CACNA1S: variants seen among roughly 807,000 people sequenced by gnomAD.
The protein encoded by CACNA1S is calcium voltage-gated channel subunit alpha1 S, also known as voltage-dependent L-type calcium channel subunit alpha-1S.
CACNA1S carries 126 observed loss-of-function variants against 207.4 expected under a neutral mutation model. That is an observed-to-expected ratio of 0.61 (90% CI 0.53 to 0.70). CACNA1S has a LOEUF of 0.70. CACNA1S is among the 30% of genes least tolerant of loss of function. CACNA1S has a pLI of 0.00. For synonymous variants in CACNA1S, 960 were observed against 932.7 expected (o/e 1.03, Z -0.53); for missense variants, 2,349 against 2,422.8 (o/e 0.97, Z 0.64).
At position 201,054,578 on chromosome 1, in the gene CACNA1S, C is replaced by G. The variant is rs368357562; in HGVS notation, c.3610-17G>C. ...CAGGAAAGTCTGTGGAGAAAAGAGA[C>G]GAAGGGAGGGGAAGGAGAGGAGAGA... On this transcript the variant is annotated splice_polypyrimidine_tract_variant and intron_variant, in intron 28 of 43. Transcript: ENST00000362061. 6.2e-7 allele frequency: 1 copy of G among 1,608,084 alleles called. No homozygotes were observed. Among genetic ancestry groups the G allele is most frequent in the Non-Finnish European group, 8.5e-7 (1 of 1,176,848 alleles).
chr1:201,075,424 A>G, intron 13 of CACNA1S, 71 bp downstream of exon 13: 2 of 1,573,538 alleles, frequency 1.3e-6, no homozygotes, highest in Non-Finnish European at 8.7e-7. Flanking sequence ...GACACCCTTG[A>G]CCCCCATTTT....
chr1:201,054,099 A>C (rs905720762), intron 29 of CACNA1S, among the ~76,000 whole-genome samples: 17 of 152,116 alleles, frequency 1.1e-4, no homozygotes, highest in African/African-American at 3.9e-4. Flanking sequence ...CAAGCCTCTA[A>C]TCTTGTGCCA....
intron 7 of CACNA1S, 150 bp from the exon 8 acceptor site, chr1:201,085,731 C>T: frequency 1.2e-6 from 1 of 823,468 alleles, no homozygotes; most frequent in Non-Finnish European, 1.9e-6. Flanking sequence ...AGGTGCCCCT[C>T]AAGGTGGCTG....
chr1:201,104,605 T>C (rs897807447), intron 2 of CACNA1S, among the ~76,000 whole-genome samples: 1 of 152,242 alleles, frequency 6.6e-6, no homozygotes, highest in African/African-American at 2.4e-5. Context: ...CACGCCTGCT[T>C]GTTCTCTTTT....
At chr1:201,058,210 G>T (rs893711741) in intron 28 of CACNA1S, among the ~76,000 whole-genome samples, 198 bp downstream of exon 28, 1 of 152,156 alleles carries the variant, frequency 6.6e-6, no homozygotes, top group Non-Finnish European at 1.5e-5. Context: ...CACCCATTGT[G>T]TCCCCCTGGT....
At chr1:201,099,637 C>T (rs930808691) in intron 2 of CACNA1S, among the ~76,000 whole-genome samples, 1 of 152,210 alleles carries the variant, frequency 6.6e-6, no homozygotes, top group Admixed American at 6.5e-5. Flanking sequence ...TTGCAGGGAG[C>T]TCAGGCTGGG....
chr1:201,051,185 C>G (rs761949212), intron 32 of CACNA1S, 42 bp from the exon 33 acceptor site: 6 of 1,612,124 alleles, frequency 3.7e-6, no homozygotes, highest in Non-Finnish European at 5.1e-6. Context: ...CTGCTCCTGC[C>G]TGGCCCCTCA....
rs369139165 is a variant in CACNA1S, at chr1:201,083,210, T to C, written c.1345A>G (p.Ile449Val). ...ILIVALNTLS[I>V]ASEHHNQPLW... ...GGCTGGTTGTGGTGCTCTGAGGCGA[T>C]AGACAGGGTGTTGAGGGCAACGATG... The change falls in exon 10 of 44, where the codon ATC (isoleucine) becomes GTC (valine). Residue 449 changes from isoleucine (I) to valine (V), a missense_variant. Ile to Val is a conservative substitution (Grantham distance 29, BLOSUM62 3). Coordinates refer to ENST00000362061, the MANE Select transcript of CACNA1S (RefSeq NM_000069.3). 25 of 1,614,054 alleles carry C rather than the reference T, an allele frequency of 1.5e-5. No homozygotes were observed. The highest frequency in any genetic ancestry group is 1.3e-4 in the African/African-American group (10 of 74,914).
In CACNA1S at chr1:201,062,032, C is replaced by T. The variant is rs922494615; in HGVS notation, c.2965G>A (p.Glu989Lys). 25 of 1,614,168 alleles carry T rather than the reference C, an allele frequency of 1.5e-5. No homozygotes were observed. The highest frequency in any genetic ancestry group is 5.5e-5 in the South Asian group (5 of 91,086). Residue 989 changes from glutamate to lysine, a missense_variant, in exon 24 of 44, where the codon GAG (glutamate) becomes AAG (lysine). Transcript: ENST00000362061. ...AAGTGGAAGTCGCTGTGTACCCACTCGCGGTGACGCAGCTCTATCTGCATG... is the reference window on the plus strand; with the variant it reads ...AAGTGGAAGTCGCTGTGTACCCACTTGCGGTGACGCAGCTCTATCTGCATG... ...DPMQIELRHR[E>K]WVHSDFHFDN...
chr1:201,099,932 T>C (rs1662575601), intron 2 of CACNA1S, among the ~76,000 whole-genome samples: 1 of 152,020 alleles, frequency 6.6e-6, no homozygotes, highest in Non-Finnish European at 1.5e-5. Context: ...TTTGAAGGTG[T>C]GGCAGGATCT....
Position 201,053,139 on chromosome 1 carries a change from C to T in CACNA1S, c.3861+70G>A. ...CAGCCCGTGTGCTGCTCAGGCTCCTCAGGGTCCACTGATGCCCCCTCTAAC... is the reference window on the plus strand; with the variant it reads ...CAGCCCGTGTGCTGCTCAGGCTCCTTAGGGTCCACTGATGCCCCCTCTAAC... On this transcript the variant is annotated intron_variant, in intron 31 of 43. Coordinates refer to ENST00000362061, the MANE Select transcript of CACNA1S (RefSeq NM_000069.3). The surrounding 1 kb of genome is among the most constrained non-coding windows in gnomAD (Gnocchi z 5.1). 6.4e-7 allele frequency: 1 copy of T among 1,552,184 alleles called. No homozygotes were observed. Among genetic ancestry groups the T allele is most frequent in the Non-Finnish European group, 8.9e-7 (1 of 1,123,684 alleles).
Position 201,085,459 on chromosome 1 carries a change from A to G in CACNA1S, c.1127T>C (p.Met376Thr), listed in dbSNP as rs539908624. The G allele has an allele frequency of 1.9e-6, 3 of 1,612,980 alleles. No homozygotes were observed. The South Asian group carries it at 3.3e-5, about 18-fold the overall frequency. ...YMSWITQGEV[M>T]DVEDFREGKL... is the part of the protein sequence containing the mutation. ...ACCTTCTCTGAAGTCCTCAACATCCATGACCTCGCCCTGCGTGATCCAGCT... is the reference window on the plus strand; with the variant it reads ...ACCTTCTCTGAAGTCCTCAACATCCGTGACCTCGCCCTGCGTGATCCAGCT... Residue 376 changes from methionine (M) to threonine (T), a missense_variant, in exon 8 of 44, where the codon ATG becomes ACG. Coordinates refer to ENST00000362061, the MANE Select transcript of CACNA1S (RefSeq NM_000069.3).
At chr1:201,103,125 A>G (rs1258165256) in intron 2 of CACNA1S, among the ~76,000 whole-genome samples, 1 of 152,038 alleles carries the variant, frequency 6.6e-6, no homozygotes, top group Non-Finnish European at 1.5e-5. Flanking sequence ...GTGTGCCTGT[A>G]GTTCCAGCTA....
At position 201,062,533 on chromosome 1, in the gene CACNA1S, AG is replaced by A; in HGVS notation, c.2854-20del. On this transcript the variant is annotated intron_variant, in intron 22 of 43. Coordinates refer to ENST00000362061, the MANE Select transcript of CACNA1S (RefSeq NM_000069.3). ...ACTTCCCCTGCAGCCAGGAAGAGGG[AG>A]GGAGGGAGGGAGGCATGTTGTCATG... is the stretch of plus-strand genomic sequence containing the variant. 2 of 724,950 alleles carry A rather than the reference AG, an allele frequency of 2.8e-6. No individual in the cohort carries two copies. The highest frequency in any genetic ancestry group is 4.8e-6 in the Non-Finnish European group (2 of 420,980). The allele number at this position is 724,950 out of a possible 1,614,324, so 44.9% of individuals were successfully genotyped here. A position where few individuals can be genotyped will look rare whatever the true frequency, so the allele number is the denominator to read the frequency against.
At chr1:201,110,078 T>A (rs979305257) in intron 2 of CACNA1S, 86 bp downstream of exon 2, 2 of 1,205,764 alleles carry the variant, frequency 1.7e-6, no homozygotes, top group African/African-American at 3.0e-5. Flanking sequence ...ACCGGCACCA[T>A]CCCCCAGAAC....
In CACNA1S at chr1:201,077,962, C is replaced by T. The variant is rs1490665418; in HGVS notation, c.1536G>A (p.Leu512=). ...GTGTCATGGCACCCGACTCCACCAG[C>T]AGGATCTCCAGGATACCGCTACACA... is the stretch of plus-strand genomic sequence containing the variant. ...FVVCSGILEI[L]LVESGAMTPL... is the part of the protein sequence containing the mutation. The change falls in exon 11 of 44, where the codon CTG becomes CTA. Residue 512 remains leucine, a synonymous_variant. Coordinates refer to ENST00000362061, the MANE Select transcript of CACNA1S (RefSeq NM_000069.3). 6.2e-7 allele frequency: 1 copy of T among 1,614,188 alleles called. No homozygotes were observed. The highest frequency in any genetic ancestry group is 8.5e-7 in the Non-Finnish European group (1 of 1,180,010).
rs767800321 is a variant in CACNA1S at position 201,041,605 on chromosome 1, G to A, written c.5049-16C>T. On this transcript the variant is annotated splice_polypyrimidine_tract_variant and intron_variant, in intron 40 of 43. Coordinates refer to ENST00000362061, the MANE Select transcript of CACNA1S (RefSeq NM_000069.3). Reference sequence around the variant, plus strand: ...ATAGTGGACACTGAAATGGAAGCAAGGCTGGGTGAACCAGAGAAGGCTGCT... The same window carrying A: ...ATAGTGGACACTGAAATGGAAGCAAAGCTGGGTGAACCAGAGAAGGCTGCT... 1.3e-6 allele frequency: 2 copies of A among 1,591,508 alleles called. No individual in the cohort carries two copies. Among genetic ancestry groups the A allele is most frequent in the Non-Finnish European group, 1.7e-6 (2 of 1,159,624 alleles).
At position 201,040,256 on chromosome 1, in the gene CACNA1S, G is replaced by T; in HGVS notation, c.5345C>A (p.Pro1782Gln). Reference sequence around the variant, plus strand: ...CTTTTGGATCAGCAGGGCTGTAGCTGGTGCTGAGCACCTGGAAGTATTCTC... The same window carrying T: ...CTTTTGGATCAGCAGGGCTGTAGCTTGTGCTGAGCACCTGGAAGTATTCTC... ...TRENTSRCSA[P>Q]ATALLIQKAL... Residue 1782 changes from proline to glutamine, a missense_variant, in exon 43 of 44, where the codon CCA becomes CAA. Coordinates refer to ENST00000362061, the MANE Select transcript of CACNA1S (RefSeq NM_000069.3). 2 of 1,613,766 alleles carry T rather than the reference G, an allele frequency of 1.2e-6. No individual in the cohort carries two copies. Among genetic ancestry groups the T allele is most frequent in the Non-Finnish European group, 1.7e-6 (2 of 1,179,996 alleles).
At chr1:201,071,349 A>G (rs1017587332) in intron 16 of CACNA1S, among the ~76,000 whole-genome samples, 1 of 151,656 alleles carries the variant, frequency 6.6e-6, no homozygotes, top group Non-Finnish European at 1.5e-5. Context: ...CCTTGGAATG[A>G]GTGTCCTAAC....
Sources: gnomAD v4.1 joint callset for allele counts (sites outside exome capture counted in the v4.1 genomes callset) on GRCh38, gnomAD v4.1.1 for gene constraint, Gnocchi (gnomAD v3.1) non-coding constraint, MANE v1.5 for transcripts, NCBI Gene and HGNC (gene_info 2026-07-23, HGNC 2026-07-21) for gene names.